Variants in PDE1A observed in about 807,000 individuals in gnomAD.
The protein encoded by PDE1A is dual specificity calcium/calmodulin-dependent 3',5'-cyclic nucleotide phosphodiesterase 1A.
PDE1A carries 35 observed loss-of-function variants against 61.7 expected under a neutral mutation model. The ratio of observed to expected loss-of-function variants is 0.57; its 90% CI spans 0.43 to 0.75. The LOEUF (loss-of-function observed/expected upper bound fraction) is 0.75, where lower values mean the gene tolerates loss of function less well. Among genes scored for constraint, PDE1A ranks in the 30% least tolerant of loss-of-function variants. The probability of loss-of-function intolerance (pLI) is 0.00; values close to 1 mark genes in which losing one functional copy is unlikely to be tolerated. For missense variants in PDE1A, 597 were observed against 630.6 expected (o/e 0.95, Z 0.57); for synonymous variants, 232 against 213.2 (o/e 1.09, Z -0.77).
intron 10 of PDE1A, among the ~76,000 whole-genome samples, chr2:182,193,027 G>A (rs919032909): frequency 1.3e-5 from 2 of 151,740 alleles, no homozygotes; most frequent in South Asian, 2.1e-4. Flanking sequence ...TCACTCTGTC[G>A]CCCAGGCTGG....
intron 1 of PDE1A, among the ~76,000 whole-genome samples, chr2:182,365,868 T>A (rs1464030106): frequency 2.0e-5 from 3 of 152,026 alleles, no homozygotes; most frequent in African/African-American, 2.4e-5. Context: ...GACTAAAACT[T>A]ATTAAAGGGC....
the PDE1A span, among the ~76,000 whole-genome samples, chr2:182,664,058 C>A: frequency 6.6e-6 from 1 of 151,794 alleles, no homozygotes; most frequent in Non-Finnish European, 1.5e-5. Flanking sequence ...GAATAATGGG[C>A]AAAAATTGGA....
the PDE1A span, among the ~76,000 whole-genome samples, chr2:182,554,095 A>T: frequency 6.6e-6 from 1 of 152,162 alleles, no homozygotes; most frequent in Non-Finnish European, 1.5e-5. Context: ...AGGCAGGTAG[A>T]CCAGTAGAGA....
At chr2:182,242,030 G>A in intron 2 of PDE1A, 2 of 1,356,880 alleles carry the variant, frequency 1.5e-6, no homozygotes, top group East Asian at 5.5e-5. Context: ...ATCAGATACA[G>A]TGTAGGTAGA....
At chr2:182,143,664 C>T (rs1224264476), downstream of PDE1A, among the ~76,000 whole-genome samples, 1 of 151,970 alleles carries the variant, frequency 6.6e-6, no homozygotes, top group Non-Finnish European at 1.5e-5. Flanking sequence ...TACAGGCGCC[C>T]GCCACTACGC....
intron 11 of PDE1A, among the ~76,000 whole-genome samples, chr2:182,187,053 CA>C (rs1685268766): frequency 6.6e-6 from 1 of 152,178 alleles, no homozygotes; most frequent in Admixed American, 6.5e-5. Flanking sequence ...TCTCAGGTAA[CA>C]GGAAGACAAT....
chr2:182,533,551 A>G, the PDE1A span, among the ~76,000 whole-genome samples: 1 of 152,178 alleles, frequency 6.6e-6, no homozygotes, highest in Admixed American at 6.5e-5. Flanking sequence ...GGAAAATTAA[A>G]TGATACTGTT....
chr2:182,691,289 G>C, the PDE1A span, among the ~76,000 whole-genome samples: 1 of 152,140 alleles, frequency 6.6e-6, no homozygotes, highest in Non-Finnish European at 1.5e-5. Flanking sequence ...ATACTACAAG[G>C]CTACAGTAAC....
intron 2 of PDE1A, among the ~76,000 whole-genome samples, chr2:182,459,556 A>G (rs756330618): frequency 6.6e-6 from 1 of 152,168 alleles, no homozygotes; most frequent in Non-Finnish European, 1.5e-5. Context: ...CTCTTAATCC[A>G]CAAATGATCT....
chr2:182,225,416 A>T (rs561513449), intron 6 of PDE1A, among the ~76,000 whole-genome samples: 6 of 151,934 alleles, frequency 3.9e-5, no homozygotes, highest in African/African-American at 1.4e-4. Context: ...TCTCATAGGT[A>T]CCAAAGGTAT....
chr2:182,164,432 CCTCT>C (rs1268402227), downstream of PDE1A, among the ~76,000 whole-genome samples: 1 of 152,086 alleles, frequency 6.6e-6, no homozygotes, highest in Non-Finnish European at 1.5e-5. Flanking sequence ...TGTGTATAGA[CCTCT>C]CTGAGTGGGC....
upstream of PDE1A, chr2:182,427,166 G>A (rs1703675493): frequency 5.2e-6 from 1 of 192,406 alleles, no homozygotes; most frequent in Admixed American, 6.5e-5. Flanking sequence ...CTTAAAATAA[G>A]AACTGTATAC....
the PDE1A span, among the ~76,000 whole-genome samples, chr2:182,628,307 A>G: frequency 6.6e-6 from 1 of 152,220 alleles, no homozygotes; most frequent in Non-Finnish European, 1.5e-5. Context: ...GGAGGAAAAA[A>G]TACATTCAAG....
At chr2:182,547,871 G>A in the PDE1A span, among the ~76,000 whole-genome samples, 3 of 152,288 alleles carry the variant, frequency 2.0e-5, no homozygotes, top group Admixed American at 2.0e-4. Context: ...AGTTCTCTGA[G>A]AGGTTAGTAC....
intron 2 of PDE1A, chr2:182,241,803 C>A: frequency 6.6e-7 from 1 of 1,510,306 alleles, no homozygotes; most frequent in Non-Finnish European, 8.9e-7. Flanking sequence ...AATACTTACT[C>A]TATATGATTT....
chr2:182,220,694 G>A (rs559095024), intron 7 of PDE1A, among the ~76,000 whole-genome samples: 1 of 152,112 alleles, frequency 6.6e-6, no homozygotes, highest in African/African-American at 2.4e-5. Flanking sequence ...TATCTGCATT[G>A]AACTCAAATC....
chr2:182,375,280 T>C (rs1029060106), intron 1 of PDE1A, among the ~76,000 whole-genome samples: 2 of 152,164 alleles, frequency 1.3e-5, no homozygotes, highest in African/African-American at 4.8e-5. Context: ...AAGTCTTTTC[T>C]GAGACAAGCA....
the PDE1A span, among the ~76,000 whole-genome samples, chr2:182,632,140 A>T: frequency 6.6e-6 from 1 of 152,136 alleles, no homozygotes; most frequent in African/African-American, 2.4e-5. Flanking sequence ...GGATACATAA[A>T]CACACACACC....
chr2:182,179,063 T>C (rs1684529047), intron 13 of PDE1A, among the ~76,000 whole-genome samples: 1 of 152,156 alleles, frequency 6.6e-6, no homozygotes, highest in Admixed American at 6.6e-5. Context: ...AGGCTTACTC[T>C]GATTCAGTCA....
Sources: allele counts gnomAD v4.1 joint callset (sites outside exome capture counted in the v4.1 genomes callset), GRCh38; gene constraint gnomAD v4.1.1; transcripts MANE v1.5; gene names NCBI Gene and HGNC (gene_info 2026-07-23, HGNC 2026-07-21).